Variants in CDH18 observed in about 807,000 individuals in gnomAD.
CDH18 encodes the protein cadherin-18.
Under a neutral mutation model 67.9 loss-of-function variants are expected in CDH18, and 31 were observed. That is an observed-to-expected ratio of 0.46 (90% CI 0.34 to 0.62). The LOEUF is 0.62. CDH18 is among the 20% of genes least tolerant of loss of function. CDH18 has a pLI of 0.01. For synonymous variants in CDH18, 362 were observed against 347.2 expected, an observed-to-expected ratio of 1.04 and a Z score of -0.48; for missense variants, 890 against 975.5, an observed-to-expected ratio of 0.91 and a Z score of 1.17.
chr5:20,020,996 GGTT>G (rs1738367586), intron 2 of CDH18, among the ~76,000 whole-genome samples: 1 of 151,812 alleles, frequency 6.6e-6, no homozygotes, highest in Non-Finnish European at 1.5e-5. Context: ...CCGGGGTGAA[GGTT>G]CTCAAGGCCT....
chr5:20,198,105 T>C (rs1024950677), intron 2 of CDH18, among the ~76,000 whole-genome samples: 9 of 152,168 alleles, frequency 5.9e-5, no homozygotes, highest in African/African-American at 2.2e-4. Flanking sequence ...TGTTAATCAA[T>C]TGAGTAATTT....
intron 1 of CDH18, among the ~76,000 whole-genome samples, chr5:20,434,520 G>A (rs950021512): frequency 6.6e-5 from 10 of 151,892 alleles, no homozygotes; most frequent in African/African-American, 2.2e-4. Flanking sequence ...GGATTCACCC[G>A]GTAATAAAGC....
At chr5:19,828,688 C>T (rs1581536534) in intron 3 of CDH18, among the ~76,000 whole-genome samples, 1 of 152,140 alleles carries the variant, frequency 6.6e-6, no homozygotes, top group Admixed American at 6.6e-5. Context: ...AATACAACAT[C>T]GCTTCATGTT....
chr5:19,997,540 T>C (rs1490371368), intron 2 of CDH18, among the ~76,000 whole-genome samples: 1 of 152,198 alleles, frequency 6.6e-6, no homozygotes, highest in Non-Finnish European at 1.5e-5. Context: ...CACTTTGTTT[T>C]CATTCATACC....
At chr5:19,490,856 T>A (rs1741350991) in intron 11 of CDH18, among the ~76,000 whole-genome samples, 1 of 152,170 alleles carries the variant, frequency 6.6e-6, no homozygotes, top group Non-Finnish European at 1.5e-5. Flanking sequence ...AAAATAATTT[T>A]ATATATAGGT....
chr5:19,835,863 G>T (rs933137496), intron 3 of CDH18, among the ~76,000 whole-genome samples: 1 of 152,218 alleles, frequency 6.6e-6, no homozygotes, highest in Middle Eastern at 3.4e-3. Context: ...ACAGACAACA[G>T]AATAGACAAC....
intron 2 of CDH18, among the ~76,000 whole-genome samples, chr5:20,242,605 A>ATATATAT (rs1422057410): frequency 4.5e-5 from 4 of 88,120 alleles, no homozygotes; most frequent in African/African-American, 2.5e-4. Flanking sequence ...GGAAAAAAAA[A>ATATATAT]AAAAAAATAT....
At chr5:20,390,162 T>C (rs1580887473) in intron 1 of CDH18, among the ~76,000 whole-genome samples, 1 of 152,120 alleles carries the variant, frequency 6.6e-6, no homozygotes, top group East Asian at 1.9e-4. Context: ...CTAAAGAGTT[T>C]CTGCACAGCA....
intron 2 of CDH18, among the ~76,000 whole-genome samples, chr5:19,851,697 T>C (rs1398109944): frequency 6.6e-6 from 1 of 151,940 alleles, no homozygotes; most frequent in East Asian, 1.9e-4. Flanking sequence ...ATTGTATGAA[T>C]GTAAAATAAT....
chr5:20,121,642 A>C (rs1049246109), intron 2 of CDH18, among the ~76,000 whole-genome samples: 2 of 152,136 alleles, frequency 1.3e-5, no homozygotes, highest in Non-Finnish European at 2.9e-5. Flanking sequence ...AAACATGAAA[A>C]GCTATAGTTT....
chr5:19,570,897 T>C (rs1741271932), intron 8 of CDH18, among the ~76,000 whole-genome samples: 2 of 152,224 alleles, frequency 1.3e-5, no homozygotes, highest in African/African-American at 4.8e-5. Flanking sequence ...TGTTCACATA[T>C]TTGGAATTTG....
At chr5:19,950,256 G>A (rs1334345178) in intron 2 of CDH18, among the ~76,000 whole-genome samples, 1 of 151,940 alleles carries the variant, frequency 6.6e-6, no homozygotes, top group Non-Finnish European at 1.5e-5. Context: ...TATTTTAAGT[G>A]AAATAACTCA....
At chr5:20,240,922 T>C (rs1227813322) in intron 2 of CDH18, among the ~76,000 whole-genome samples, 1 of 152,158 alleles carries the variant, frequency 6.6e-6, no homozygotes, top group African/African-American at 2.4e-5. Context: ...AGAAAAAACA[T>C]GAATAAAGCT....
At chr5:20,172,190 G>T (rs1384721210) in intron 2 of CDH18, among the ~76,000 whole-genome samples, 1 of 23,318 alleles carries the variant, frequency 4.3e-5, no homozygotes, top group Non-Finnish European at 7.5e-5. Flanking sequence ...AGCATTGTGT[G>T]TATATATATA....
intron 2 of CDH18, among the ~76,000 whole-genome samples, chr5:20,171,146 C>A (rs1010994790): frequency 1.3e-5 from 2 of 151,776 alleles, no homozygotes; most frequent in South Asian, 2.1e-4. Flanking sequence ...GATTCCATGT[C>A]TTTGCTATTG....
rs778618719 is a variant in CDH18, at chr5:19,473,481, G to A, written c.2118C>T (p.Thr706=). ...KLTPRHQTSS[T]LESIDVQEFI... is the part of the protein sequence containing the mutation. ...ATTCCTGAACATCTATGCTTTCCAG[G>A]GTGGATGATGTCTGGTGTCTGGGAG... Residue 706 remains threonine, a synonymous_variant, in exon 13 of 13, where the codon ACC becomes ACT. Coordinates refer to ENST00000382275, the MANE Select transcript of CDH18 (RefSeq NM_004934.5). 1 of 1,613,546 alleles carries A rather than the reference G, an allele frequency of 6.2e-7. No individual in the cohort carries two copies. The highest frequency in any genetic ancestry group is 8.5e-7 in the Non-Finnish European group (1 of 1,179,802).
At chr5:19,552,873 T>G (rs1737712969) in intron 8 of CDH18, among the ~76,000 whole-genome samples, 1 of 152,274 alleles carries the variant, frequency 6.6e-6, no homozygotes, top group African/African-American at 2.4e-5. Flanking sequence ...TGGCTATAAT[T>G]TTTTATTTCT....
chr5:19,613,364 G>A (rs1749307624), intron 5 of CDH18, among the ~76,000 whole-genome samples: 1 of 152,088 alleles, frequency 6.6e-6, no homozygotes, highest in Non-Finnish European at 1.5e-5. Context: ...AACATTTGAG[G>A]AGTTTGGACA....
intron 2 of CDH18, among the ~76,000 whole-genome samples, chr5:19,964,533 C>G (rs1797235005): frequency 6.6e-6 from 1 of 150,834 alleles, no homozygotes; most frequent in Non-Finnish European, 1.5e-5. Context: ...GGGATAGTCT[C>G]AGCTTCTGAA....
Sources: gnomAD v4.1 joint callset for allele counts (sites outside exome capture counted in the v4.1 genomes callset) on GRCh38, gnomAD v4.1.1 for gene constraint, MANE v1.5 for transcripts, NCBI Gene and HGNC (gene_info 2026-07-23, HGNC 2026-07-21) for gene names.